The following DNAJC17 variants were observed in gnomAD, a reference collection of about 807,000 sequenced individuals.
DNAJC17 encodes the protein DnaJ heat shock protein family (Hsp40) member C17.
Under a neutral mutation model 48.1 loss-of-function variants are expected in DNAJC17, and 35 were observed. The ratio of observed to expected loss-of-function variants is 0.73; its 90% CI spans 0.56 to 0.96. The LOEUF (loss-of-function observed/expected upper bound fraction) is 0.96, where lower values mean the gene tolerates loss of function less well. Ranked by LOEUF, DNAJC17 falls within the 50% of genes least tolerant of loss-of-function variation. DNAJC17 has a pLI of 0.00. For synonymous variants in DNAJC17, 117 were observed against 142.7 expected (o/e 0.82, Z 1.28); for missense variants, 355 against 377.1 (o/e 0.94, Z 0.48).
chr15:40,802,787 C>T (rs1890107076), intron 1 of DNAJC17, among the ~76,000 whole-genome samples: 1 of 152,080 alleles, frequency 6.6e-6, no homozygotes, highest in African/African-American at 2.4e-5. Context: ...TCCATTAGGG[C>T]TTCTTTGACT....
intron 1 of DNAJC17, chr15:40,792,392 T>G (rs1298010449): frequency 3.6e-5 from 32 of 899,020 alleles, no homozygotes; most frequent in Non-Finnish European, 4.3e-5. Flanking sequence ...AGACTTAAGC[T>G]TTGAGTCTTG....
At chr15:40,791,065 C>T (rs1596092289) in intron 1 of DNAJC17, among the ~76,000 whole-genome samples, 1 of 152,018 alleles carries the variant, frequency 6.6e-6, no homozygotes, top group African/African-American at 2.4e-5. Flanking sequence ...AGGCCGGGTG[C>T]GGTGACTCAT....
chr15:40,806,407 A>AG (rs1890227014), intron 1 of DNAJC17, among the ~76,000 whole-genome samples: 1 of 151,654 alleles, frequency 6.6e-6, no homozygotes, highest in Non-Finnish European at 1.5e-5. Flanking sequence ...TTAGTAGAGA[A>AG]GGGGTTTCAG....
chr15:40,778,883 G>A (rs34383433), intron 4 of DNAJC17, among the ~76,000 whole-genome samples: 64,974 of 151,936 alleles, frequency 0.43, 14,471 homozygotes, highest in Middle Eastern at 0.57. Context: ...GCAGTGAGCC[G>A]AGATCATGCC....
chr15:40,779,114 A>C (rs755427796), intron 4 of DNAJC17, 109 bp downstream of exon 4: 1 of 1,129,754 alleles, frequency 8.9e-7, no homozygotes, highest in Non-Finnish European at 1.3e-6. Context: ...CCAGAGCCTG[A>C]GCCAAAAGGC....
intron 1 of DNAJC17, among the ~76,000 whole-genome samples, chr15:40,789,655 C>CCAGTCTCT (rs1889739914): frequency 6.6e-6 from 1 of 151,940 alleles, no homozygotes; most frequent in Non-Finnish European, 1.5e-5. Flanking sequence ...CTTCCTCTGC[C>CCAGTCTCT]CAGTCTCTGC....
intron 1 of DNAJC17, chr15:40,780,512 C>T (rs1889454412): frequency 2.7e-6 from 1 of 368,244 alleles, no homozygotes. Flanking sequence ...AACGGGGAGA[C>T]TCATTTAAAA....
At chr15:40,792,453 C>G (rs1480049593) in intron 1 of DNAJC17, 7 of 985,044 alleles carry the variant, frequency 7.1e-6, no homozygotes, top group African/African-American at 7.0e-5. Context: ...AGGTAATTAC[C>G]TGCCAAGATG....
At chr15:40,774,231 G>T in intron 9 of DNAJC17, 125 bp downstream of exon 9, 2 of 1,108,460 alleles carry the variant, frequency 1.8e-6, no homozygotes, top group Non-Finnish European at 2.6e-6. Context: ...AAGAGCCTTG[G>T]CTCTAAGCTG....
intron 10 of DNAJC17, 31 bp from the exon 11 acceptor site, chr15:40,768,093 C>T (rs1259559581): frequency 2.0e-6 from 3 of 1,511,536 alleles, no homozygotes; most frequent in Admixed American, 2.2e-5. Flanking sequence ...AGGGAGGGGT[C>T]AGGGACAGCA....
intron 1 of DNAJC17, among the ~76,000 whole-genome samples, chr15:40,789,501 C>A (rs146019535): frequency 6.6e-6 from 1 of 152,010 alleles, no homozygotes; most frequent in Non-Finnish European, 1.5e-5. Context: ...TCCTAACCAC[C>A]GCTATATTAG....
chr15:40,791,371 T>C (rs147733745), intron 1 of DNAJC17, among the ~76,000 whole-genome samples: 53 of 151,576 alleles, frequency 3.5e-4, no homozygotes, highest in African/African-American at 1.3e-3. Context: ...CTACTAAAAA[T>C]ACAAAAATTA....
chr15:40,779,218 C>A lies in DNAJC17; in HGVS notation c.295+5G>T, dbSNP rs1204254751. 6.2e-7 allele frequency: 1 copy of A among 1,613,900 alleles called. No individual in the cohort carries two copies. The highest frequency in any genetic ancestry group is 8.5e-7 in the Non-Finnish European group (1 of 1,179,978). On this transcript the variant is annotated splice_donor_5th_base_variant and intron_variant, in intron 4 of 10. Coordinates refer to ENST00000220496, the MANE Select transcript of DNAJC17 (RefSeq NM_018163.3). The stretch of plus-strand genomic sequence containing the variant: ...CAGGCCACCGAGCACTATGATGGCA[C>A]CTACCAAGCTTCACTTTCTTCCTTT...
rs769104309 is a variant in DNAJC17 at position 40,779,921 on chromosome 15, G to C, written c.148+7C>G. Reference sequence around the variant, plus strand: ...TCTTTCTCCCCACGCCCTGAGAAGAGTCTCACCTGCTCTGGGATTATCTGG... The same window carrying C: ...TCTTTCTCCCCACGCCCTGAGAAGACTCTCACCTGCTCTGGGATTATCTGG... On this transcript the variant is annotated splice_region_variant and intron_variant, in intron 2 of 10. Transcript: ENST00000220496. 1.9e-6 allele frequency: 3 copies of C among 1,613,712 alleles called. No homozygotes were observed. The Admixed American group carries it at 5.0e-5, about 27-fold the overall frequency.
Position 40,767,899 on chromosome 15 carries a change from G to A in DNAJC17, c.*41C>T. ...AAAAAAAAAAAAATTTATTGGTGAC[G>A]TTGAAGAAAAGGGCTGAGGGGTGGA... On this transcript the variant is annotated 3_prime_UTR_variant, in exon 11 of 11. Coordinates refer to ENST00000220496, the MANE Select transcript of DNAJC17 (RefSeq NM_018163.3). 2 of 1,593,792 alleles carry A rather than the reference G, an allele frequency of 1.3e-6. No homozygotes were observed. The highest frequency in any genetic ancestry group is 1.7e-6 in the Non-Finnish European group (2 of 1,174,616).
intron 6 of DNAJC17, 69 bp downstream of exon 6, chr15:40,776,127 C>G: frequency 6.7e-7 from 1 of 1,482,904 alleles, no homozygotes; most frequent in Non-Finnish European, 9.3e-7. Context: ...CACCGAACAG[C>G]CAGTGTGGCC....
intron 1 of DNAJC17, among the ~76,000 whole-genome samples, chr15:40,802,098 G>A (rs576720878): frequency 6.6e-6 from 1 of 152,206 alleles, no homozygotes; most frequent in Non-Finnish European, 1.5e-5. Context: ...TTGAATGGAT[G>A]GATGGTGGTG....
At chr15:40,796,134 A>G (rs1889935786) in intron 1 of DNAJC17, among the ~76,000 whole-genome samples, 1 of 152,246 alleles carries the variant, frequency 6.6e-6, no homozygotes, top group Admixed American at 6.5e-5. Context: ...TTACTGCCCA[A>G]GAAAATAAGA....
At chr15:40,783,787 CG>C (rs1268218834) in intron 1 of DNAJC17, among the ~76,000 whole-genome samples, 1 of 151,970 alleles carries the variant, frequency 6.6e-6, no homozygotes, top group Non-Finnish European at 1.5e-5. Context: ...CACTTGATTC[CG>C]GGGGGCAGAG....
Sources: allele counts gnomAD v4.1 joint callset (sites outside exome capture counted in the v4.1 genomes callset), GRCh38; gene constraint gnomAD v4.1.1; transcripts MANE v1.5; gene names NCBI Gene and HGNC (gene_info 2026-07-23, HGNC 2026-07-21).